Variants in TSHZ3 observed in about 807,000 individuals in gnomAD.
TSHZ3 encodes the protein teashirt zinc finger homeobox 3, also known as teashirt homolog 3.
TSHZ3 carries 10 observed loss-of-function variants against 64.5 expected under a neutral mutation model. The ratio of observed to expected loss-of-function variants is 0.16; its 90% CI spans 0.10 to 0.26. The LOEUF is 0.26. Ranked by LOEUF, TSHZ3 falls within the 10% of genes least tolerant of loss-of-function variation. The probability of loss-of-function intolerance (pLI) is 1.00; values close to 1 mark genes in which losing one functional copy is unlikely to be tolerated. For synonymous variants in TSHZ3, 608 were observed against 593.1 expected (o/e 1.03, Z -0.36); for missense variants, 1,242 against 1,421.7 (o/e 0.87, Z 2.03).
chr19:31,258,959 C>T (rs982759459), intron 1 of TSHZ3, among the ~76,000 whole-genome samples: 1 of 152,198 alleles, frequency 6.6e-6, no homozygotes, highest in African/African-American at 2.4e-5. Context: ...TGCCCCGGCC[C>T]GCCTTCTCTA....
chr19:31,321,552 A>T (rs923344767), intron 1 of TSHZ3, among the ~76,000 whole-genome samples: 1 of 152,074 alleles, frequency 6.6e-6, no homozygotes, highest in Non-Finnish European at 1.5e-5. Context: ...CATACGGCAG[A>T]CTCACGCCAG....
chr19:31,258,179 C>T (rs147625304), intron 1 of TSHZ3, among the ~76,000 whole-genome samples: 50 of 152,280 alleles, frequency 3.3e-4, no homozygotes, highest in Non-Finnish European at 3.1e-4. Flanking sequence ...ATTGCCAATC[C>T]CTCCCCAAAG....
At chr19:31,348,364 T>C (rs2021576428) in intron 1 of TSHZ3, among the ~76,000 whole-genome samples, 1 of 151,988 alleles carries the variant, frequency 6.6e-6, no homozygotes, top group Admixed American at 6.5e-5. Context: ...AATAATGTTA[T>C]GTGTGTGGTT....
At chr19:31,285,781 C>CAAAAAA (rs3030263) in intron 1 of TSHZ3, among the ~76,000 whole-genome samples, 2 of 44,974 alleles carry the variant, frequency 4.4e-5, no homozygotes, top group African/African-American at 9.5e-5. Context: ...GCCACTGTCT[C>CAAAAAA]AAAAAAAAAA....
At chr19:31,204,236 A>C (rs1975130028) in intron 5 of TSHZ3, among the ~76,000 whole-genome samples, 1 of 145,930 alleles carries the variant, frequency 6.9e-6, no homozygotes, top group African/African-American at 2.5e-5. Flanking sequence ...TCCTTCTTCA[A>C]TCCCTTCCTT....
chr19:31,262,840 A>C (rs1192095675), intron 1 of TSHZ3, among the ~76,000 whole-genome samples: 1 of 152,224 alleles, frequency 6.6e-6, no homozygotes, highest in Admixed American at 6.5e-5. Flanking sequence ...TGAAAAGGAA[A>C]TTTAAGCCAA....
At chr19:31,298,048 C>T (rs752568310) in intron 1 of TSHZ3, among the ~76,000 whole-genome samples, 20 of 152,138 alleles carry the variant, frequency 1.3e-4, no homozygotes, top group Non-Finnish European at 2.5e-4. Context: ...GGAGCTCCTG[C>T]GGCCTCCTAG....
rs1159577316 is a variant in TSHZ3 at position 31,276,323 on chromosome 19, A to G, written c.*224T>C. On this transcript the variant is annotated 3_prime_UTR_variant, in exon 2 of 2. Transcript: ENST00000240587. Reference sequence around the variant, plus strand: ...TAAATCCCGTTTACACAAAGTTCCAAACACTTACCACTGCATTTTAACCTT... The same window carrying G: ...TAAATCCCGTTTACACAAAGTTCCAGACACTTACCACTGCATTTTAACCTT... The G allele has an allele frequency of 3.5e-5, 14 of 403,002 alleles. No homozygotes were observed. 25.0% of individuals were successfully genotyped at this position (403,002 alleles called of 1,614,324 possible). A position where few individuals can be genotyped will look rare whatever the true frequency, so the allele number is the denominator to read the frequency against.
chr19:31,199,319 G>T (rs2032572394), intron 5 of TSHZ3, among the ~76,000 whole-genome samples: 2 of 148,150 alleles, frequency 1.3e-5, no homozygotes, highest in South Asian at 2.1e-4. Flanking sequence ...CAGGAGAATC[G>T]CTTGAACCTG....
At chr19:31,301,453 A>T (rs1393250413) in intron 1 of TSHZ3, among the ~76,000 whole-genome samples, 1 of 152,222 alleles carries the variant, frequency 6.6e-6, no homozygotes, top group Non-Finnish European at 1.5e-5. Flanking sequence ...CTGTGCACTC[A>T]AACACCTCGC....
chr19:31,218,036 GAA>G (rs2145165654), intron 4 of TSHZ3, among the ~76,000 whole-genome samples: 1 of 152,312 alleles, frequency 6.6e-6, no homozygotes, highest in Non-Finnish European at 1.5e-5. Flanking sequence ...GTGAAAGAGA[GAA>G]ATGATAAGCT....
At chr19:31,216,969 T>A (rs1975342246) in intron 4 of TSHZ3, among the ~76,000 whole-genome samples, 1 of 152,102 alleles carries the variant, frequency 6.6e-6, no homozygotes. Flanking sequence ...TTACCAATTT[T>A]TGTATTTTTA....
intron 5 of TSHZ3, among the ~76,000 whole-genome samples, chr19:31,199,920 C>T (rs2068747977): frequency 6.7e-6 from 1 of 149,670 alleles, no homozygotes; most frequent in Non-Finnish European, 1.5e-5. Context: ...CCTTAACAGA[C>T]ACCTCACCAA....
At chr19:31,324,949 T>C (rs529733325) in intron 1 of TSHZ3, among the ~76,000 whole-genome samples, 1 of 152,202 alleles carries the variant, frequency 6.6e-6, no homozygotes, top group African/African-American at 2.4e-5. Context: ...TTTACTACAA[T>C]GCCATCAATT....
intron 1 of TSHZ3, among the ~76,000 whole-genome samples, chr19:31,284,664 G>A (rs13345671): frequency 0.26 from 38,810 of 151,936 alleles, 5,090 homozygotes; most frequent in East Asian, 0.45. Context: ...CCGGGCCTCA[G>A]GGAAAAGGCT....
intron 1 of TSHZ3, among the ~76,000 whole-genome samples, chr19:31,306,564 C>CGTATGTATGCGTGTGTGT (rs1916303814): frequency 6.6e-6 from 1 of 152,020 alleles, no homozygotes; most frequent in African/African-American, 2.4e-5. Flanking sequence ...GGCGTGTGTG[C>CGTATGTATGCGTGTGTGT]GTATGTATGC....
chr19:31,189,587 T>C (rs779788431), intron 5 of TSHZ3, among the ~76,000 whole-genome samples: 5 of 152,146 alleles, frequency 3.3e-5, no homozygotes, highest in Non-Finnish European at 7.4e-5. Flanking sequence ...TTTAATTTCA[T>C]ATTGTCAGAG....
chr19:31,299,861 T>C (rs1275407279), intron 1 of TSHZ3, among the ~76,000 whole-genome samples: 1 of 152,208 alleles, frequency 6.6e-6, no homozygotes. Context: ...AGGAACACTG[T>C]ATCATCGCCA....
intron 1 of TSHZ3, among the ~76,000 whole-genome samples, chr19:31,244,835 G>T (rs1282050561): frequency 1.3e-5 from 2 of 152,054 alleles, no homozygotes; most frequent in Admixed American, 6.5e-5. Flanking sequence ...GTAGAGACAG[G>T]TTTTCACCAT....
Sources: gnomAD v4.1 joint callset for allele counts (sites outside exome capture counted in the v4.1 genomes callset) on GRCh38, gnomAD v4.1.1 for gene constraint, MANE v1.5 for transcripts, NCBI Gene and HGNC (gene_info 2026-07-23, HGNC 2026-07-21) for gene names.